The following STAT5B variants were observed in gnomAD, a reference collection of about 807,000 sequenced individuals.
STAT5B encodes transcription factor STAT5B.
A neutral mutation model predicts 107.8 loss-of-function variants in STAT5B; 21 were observed. The ratio of observed to expected loss-of-function variants is 0.19; its 90% confidence interval spans 0.14 to 0.28. STAT5B has a LOEUF of 0.28. Among genes scored for constraint, STAT5B ranks in the 10% least tolerant of loss-of-function variants. The pLI is 1.00. For synonymous variants in STAT5B, 325 were observed against 401.7 expected, an observed-to-expected ratio of 0.81 and a Z score of 2.28; for missense variants, 565 against 1,008.2, an observed-to-expected ratio of 0.56 and a Z score of 5.95.
chr17:42,249,770 CTT>C (rs751817368), intron 1 of STAT5B, among the ~76,000 whole-genome samples: 25 of 152,148 alleles, frequency 1.6e-4, no homozygotes, highest in Non-Finnish European at 3.2e-4. Context: ...TAGCAATCCT[CTT>C]GTCTCAGTCT....
At chr17:42,203,933 G>A (rs954672420) in intron 16 of STAT5B, among the ~76,000 whole-genome samples, 1 of 151,868 alleles carries the variant, frequency 6.6e-6, no homozygotes, top group Non-Finnish European at 1.5e-5. Flanking sequence ...GGCCATCACC[G>A]GAGGTTTTCA....
At chr17:42,233,315 G>A (rs996694361) in intron 1 of STAT5B, among the ~76,000 whole-genome samples, 10 of 152,136 alleles carry the variant, frequency 6.6e-5, no homozygotes, top group African/African-American at 1.9e-4. Context: ...CACACAAAGA[G>A]CACAGATTTA....
At chr17:42,218,126 G>T in intron 9 of STAT5B, 25 bp downstream of exon 9, 1 of 1,610,538 alleles carries the variant, frequency 6.2e-7, no homozygotes, top group South Asian at 1.1e-5. Flanking sequence ...AAGTAGCAGG[G>T]AATGAGAGGA....
intron 12 of STAT5B, among the ~76,000 whole-genome samples, chr17:42,215,133 T>C (rs754706274): frequency 2.0e-5 from 3 of 152,202 alleles, no homozygotes; most frequent in African/African-American, 7.2e-5. Context: ...TATATCTTCC[T>C]TGAGGCAAAG....
At chr17:42,215,244 C>T (rs1283109006) in intron 12 of STAT5B, among the ~76,000 whole-genome samples, 1 of 152,166 alleles carries the variant, frequency 6.6e-6, no homozygotes, top group Non-Finnish European at 1.5e-5. Context: ...GGGTATGAAG[C>T]AACTTCTATG....
At chr17:42,235,871 CACAA>C (rs1460424025) in intron 1 of STAT5B, among the ~76,000 whole-genome samples, 11 of 152,152 alleles carry the variant, frequency 7.2e-5, no homozygotes, top group Non-Finnish European at 1.5e-4. Context: ...CGAATAAATA[CACAA>C]ACAAATATTT....
intron 1 of STAT5B, among the ~76,000 whole-genome samples, chr17:42,233,655 T>A (rs1567666179): frequency 6.6e-6 from 1 of 152,118 alleles, no homozygotes; most frequent in Middle Eastern, 3.4e-3. Context: ...CACGCCCGGA[T>A]AATTTTTTGT....
intron 1 of STAT5B, among the ~76,000 whole-genome samples, chr17:42,262,823 T>TGTGTGTATATATACACACATATATAC (rs2080615574): frequency 8.1e-6 from 1 of 123,790 alleles, no homozygotes; most frequent in Non-Finnish European, 1.7e-5. Flanking sequence ...CACATATATA[T>TGTGTGTATATATACACACATATATAC]GTGTATATAT....
intron 1 of STAT5B, among the ~76,000 whole-genome samples, chr17:42,262,922 G>A (rs1363662635): frequency 8.9e-5 from 8 of 90,144 alleles, no homozygotes; most frequent in African/African-American, 2.9e-4. Flanking sequence ...ATATATGTGT[G>A]TATATATATA....
At chr17:42,220,084 G>A (rs1452418797) in intron 5 of STAT5B, among the ~76,000 whole-genome samples, 2 of 152,200 alleles carry the variant, frequency 1.3e-5, no homozygotes, top group African/African-American at 4.8e-5. Context: ...ACGGGTGCTG[G>A]GGCAGCTGGG....
intron 7 of STAT5B, 58 bp downstream of exon 7, chr17:42,219,254 C>A (rs1448965212): frequency 6.3e-6 from 10 of 1,582,988 alleles, no homozygotes; most frequent in Non-Finnish European, 8.6e-6. Flanking sequence ...GACGCAGAAG[C>A]AGCCGGGATC....
chr17:42,230,667 GT>G lies in STAT5B; in HGVS notation c.128+1332del, dbSNP rs922320856. On this transcript the variant is annotated intron_variant, in intron 2 of 18. Transcript: ENST00000293328. ...TTTGGGTATATTTTCGTTTAGTTTT[GT>G]TTTTTTTTTTTAAAGGCAGTCTCAC... Among the ~76,000 whole-genome samples, 191 of 143,844 alleles carry G rather than the reference GT, an allele frequency of 1.3e-3. 1 individual carries two copies. The highest frequency in any genetic ancestry group is 1.8e-3 in the Non-Finnish European group (117 of 65,184). 94.4% of individuals were successfully genotyped at this position (143,844 alleles called of 152,430 possible). A position where few individuals can be genotyped will look rare whatever the true frequency, so the allele number is the denominator to read the frequency against.
intron 1 of STAT5B, among the ~76,000 whole-genome samples, chr17:42,260,605 T>A (rs1048686686): frequency 2.0e-5 from 3 of 152,104 alleles, no homozygotes; most frequent in African/African-American, 7.2e-5. Flanking sequence ...AGAGACTGGG[T>A]CTCACTATGT....
At chr17:42,230,595 T>A (rs2080309437) in intron 2 of STAT5B, among the ~76,000 whole-genome samples, 1 of 152,164 alleles carries the variant, frequency 6.6e-6, no homozygotes, top group East Asian at 1.9e-4. Context: ...TAAAGAAAAA[T>A]TAAAATGCTT....
upstream of STAT5B, among the ~76,000 whole-genome samples, chr17:42,281,215 A>C (rs571650429): frequency 1.6e-4 from 25 of 152,234 alleles, no homozygotes; most frequent in South Asian, 2.1e-3. Flanking sequence ...TGAGGATCTC[A>C]GTTTCCCATC....
chr17:42,221,780 A>G (rs1325883617), intron 5 of STAT5B, among the ~76,000 whole-genome samples: 1 of 152,240 alleles, frequency 6.6e-6, no homozygotes, highest in Admixed American at 6.5e-5. Flanking sequence ...TACAGAGATA[A>G]AAGATATAGT....
In STAT5B at chr17:42,219,737, G is replaced by A; in HGVS notation, c.656C>T (p.Ala219Val). 6.2e-7 allele frequency: 1 copy of A among 1,607,920 alleles called. No individual in the cohort carries two copies. The highest frequency in any genetic ancestry group is 8.5e-7 in the Non-Finnish European group (1 of 1,177,814). ...VSLEAWLQREAQTLQQYRVEL... is the reference protein window; with the variant it reads ...VSLEAWLQREVQTLQQYRVEL... ...CACGCGGTACTGCTGCAGTGTCTGT[G>A]CCTCACGCTGCAACCAGGCCTCCAG... Residue 219 changes from alanine (A) to valine (V), a missense_variant, in exon 6 of 19, where the codon GCA (alanine) becomes GTA (valine). Coordinates refer to ENST00000293328, the MANE Select transcript of STAT5B (RefSeq NM_012448.4).
chr17:42,286,636 C>T, the STAT5B span, among the ~76,000 whole-genome samples: 1 of 152,202 alleles, frequency 6.6e-6, no homozygotes, highest in African/African-American at 2.4e-5. Context: ...CACCCCCACC[C>T]CATCAGGTGC....
At chr17:42,275,013 G>A (rs1410329500) in intron 1 of STAT5B, 1 of 152,200 alleles carries the variant, frequency 6.6e-6, no homozygotes, top group Admixed American at 6.5e-5. Context: ...GGACACTGCA[G>A]AGAAAATGTA....
Sources: allele counts gnomAD v4.1 joint callset (sites outside exome capture counted in the v4.1 genomes callset), GRCh38; gene constraint gnomAD v4.1.1; transcripts MANE v1.5; gene names NCBI Gene and HGNC (gene_info 2026-07-23, HGNC 2026-07-21).